SOS2: variants seen among roughly 807,000 people sequenced by gnomAD.
The protein encoded by SOS2 is SOS Ras/Rho guanine nucleotide exchange factor 2.
Under a neutral mutation model 148.2 loss-of-function variants are expected in SOS2, and 65 were observed. The ratio of observed to expected loss-of-function variants is 0.44; its 90% CI spans 0.36 to 0.54. The LOEUF (loss-of-function observed/expected upper bound fraction) is 0.54. Among genes scored for constraint, SOS2 ranks in the 20% least tolerant of loss-of-function variants. The pLI is 0.00. For synonymous variants in SOS2, 539 were observed against 537.1 expected, an observed-to-expected ratio of 1.00 and a Z score of -0.05; for missense variants, 1,341 against 1,590.2, an observed-to-expected ratio of 0.84 and a Z score of 2.67.
chr14:50,223,360 C>T (rs1190221076), intron 1 of SOS2, among the ~76,000 whole-genome samples: 1 of 151,780 alleles, frequency 6.6e-6, no homozygotes, highest in Non-Finnish European at 1.5e-5. Flanking sequence ...CACAGTAAGA[C>T]CCTGTCTCTA....
chr14:50,183,621 G>C (rs1039239336), intron 5 of SOS2, among the ~76,000 whole-genome samples: 3 of 152,166 alleles, frequency 2.0e-5, no homozygotes, highest in African/African-American at 7.2e-5. Context: ...TCTGGCATTT[G>C]AGTGTTTTAA....
Position 50,174,495 on chromosome 14 carries a change from C to T in SOS2, c.1027G>A (p.Val343Met), listed in dbSNP as rs1027626067. The stretch of plus-strand genomic sequence containing the variant: ...TAGTGCCAACAGTGATACACTGGCA[C>T]CAGCATAAGACGTGGAAGGACATAA... ...VRYVLPRLMLVPVYHCWHYFE... is the reference protein window; with the variant it reads ...VRYVLPRLMLMPVYHCWHYFE... The change falls in exon 8 of 23, where the codon GTG becomes ATG. Residue 343 changes from valine (V) to methionine (M), a missense_variant. This residue lies in a region of SOS2 where 574 missense variants were observed against 711.1 expected (regional missense o/e 0.81). Transcript: ENST00000216373. 6.2e-7 allele frequency: 1 copy of T among 1,610,226 alleles called. No homozygotes were observed. Among genetic ancestry groups the T allele is most frequent in the Admixed American group, 1.7e-5 (1 of 59,880 alleles).
intron 1 of SOS2, among the ~76,000 whole-genome samples, chr14:50,205,847 G>A (rs1376830462): frequency 2.7e-5 from 4 of 150,594 alleles, no homozygotes; most frequent in African/African-American, 9.8e-5. Context: ...TTGAACCTGG[G>A]AGGCAGAGGT....
chr14:50,167,785 G>T lies in SOS2; in HGVS notation c.1069-6176C>A, dbSNP rs184859694. Among the ~76,000 whole-genome samples, 9 of 142,992 alleles carry T rather than the reference G, an allele frequency of 6.3e-5. No homozygotes were observed. In the East Asian group the frequency reaches 1.9e-3, roughly 30 times the overall value. 93.8% of individuals were successfully genotyped at this position (142,992 alleles called of 152,430 possible). On this transcript the variant is annotated intron_variant, in intron 8 of 22. Transcript: ENST00000216373. Reference sequence around the variant, plus strand: ...CTTGGGAGGCTGATGTGGGAGAATTGCTTGAACCCAGGAGGTGGGGGTTGT... The same window carrying T: ...CTTGGGAGGCTGATGTGGGAGAATTTCTTGAACCCAGGAGGTGGGGGTTGT...
In SOS2 at chr14:50,117,350, C is replaced by T. The variant is rs1459247872; in HGVS notation, c.*994G>A. 2 of 152,104 alleles carry T rather than the reference C, an allele frequency of 1.3e-5. No homozygotes were observed. The highest frequency in any genetic ancestry group is 2.9e-5 in the Non-Finnish European group (2 of 68,024). The allele number at this position is 152,104 out of a possible 1,614,324, so 9.4% of individuals were successfully genotyped here. ...TATCTGATTAAAATGTTTAATAAAG[C>T]TTTAAGTATTTGCTGGTTTAAATAT... On this transcript the variant is annotated 3_prime_UTR_variant, in exon 23 of 23. Transcript: ENST00000216373.
At position 50,143,851 on chromosome 14, in the gene SOS2, G is replaced by T. The variant is rs1485553669; in HGVS notation, c.2667+1319C>A. On this transcript the variant is annotated intron_variant, in intron 16 of 22. Transcript: ENST00000216373. ...TTTTTTTTTTTTTTGTAGAGATGTG[G>T]TCTCCCTATGTTGCCCAGGCTGGTC... Among the ~76,000 whole-genome samples, 10 of 147,766 alleles carry T rather than the reference G, an allele frequency of 6.8e-5. No homozygotes were observed. In the East Asian group the frequency reaches 2.0e-3, roughly 29 times the overall value.
chr14:50,217,254 A>C (rs1457548074), intron 1 of SOS2, among the ~76,000 whole-genome samples: 1 of 152,258 alleles, frequency 6.6e-6, no homozygotes, highest in Non-Finnish European at 1.5e-5. Context: ...CCAGATATCC[A>C]TATACAAAAA....
At chr14:50,124,197 C>T (rs1464091411) in intron 21 of SOS2, among the ~76,000 whole-genome samples, 3 of 152,114 alleles carry the variant, frequency 2.0e-5, no homozygotes, top group African/African-American at 7.2e-5. Context: ...ATCATGTAAA[C>T]GATACAAGAC....
At chr14:50,140,436 G>C (rs1415669119) in intron 16 of SOS2, among the ~76,000 whole-genome samples, 2 of 152,142 alleles carry the variant, frequency 1.3e-5, no homozygotes, top group African/African-American at 4.8e-5. Context: ...TTTTGTTAAG[G>C]AGAAGACAAC....
At chr14:50,134,936 G>A (rs1884023203) in intron 18 of SOS2, among the ~76,000 whole-genome samples, 1 of 151,754 alleles carries the variant, frequency 6.6e-6, no homozygotes, top group South Asian at 2.1e-4. Flanking sequence ...AGCTGGGCGT[G>A]GTGGCGCATG....
chr14:50,193,992 G>A (rs1453260284), intron 4 of SOS2, among the ~76,000 whole-genome samples: 4 of 152,122 alleles, frequency 2.6e-5, no homozygotes, highest in Admixed American at 6.6e-5. Context: ...CAATCTGCCC[G>A]TCTTGGCCTC....
chr14:50,145,657 TC>T (rs1277697072), intron 14 of SOS2, 61 bp from the exon 15 acceptor site: 2 of 1,116,688 alleles, frequency 1.8e-6, no homozygotes, highest in African/African-American at 3.2e-5. Flanking sequence ...TTAAAGATCT[TC>T]TAAAACTTAA....
intron 22 of SOS2, 56 bp from the exon 23 acceptor site, chr14:50,118,909 A>G: frequency 8.7e-7 from 1 of 1,149,870 alleles, no homozygotes; most frequent in African/African-American, 1.6e-5. Context: ...AAAAAAAAAA[A>G]TTTTTAAGTC....
At chr14:50,128,113 A>AT (rs1883740874) in intron 21 of SOS2, among the ~76,000 whole-genome samples, 1 of 152,206 alleles carries the variant, frequency 6.6e-6, no homozygotes, top group African/African-American at 2.4e-5. Flanking sequence ...ATCAGGGAGC[A>AT]TATCAAGAAA....
intron 1 of SOS2, chr14:50,215,271 C>T: frequency 1.8e-6 from 1 of 564,710 alleles, no homozygotes. Context: ...AAATAAGCTA[C>T]AAAGCAATTT....
intron 1 of SOS2, chr14:50,230,981 A>G (rs1887522354): frequency 1.1e-6 from 1 of 886,658 alleles, no homozygotes; most frequent in Non-Finnish European, 1.5e-6. Flanking sequence ...CAGTTTTATG[A>G]TCATAACAAA....
At chr14:50,160,802 C>A (rs1186498202) in intron 9 of SOS2, among the ~76,000 whole-genome samples, 3 of 152,104 alleles carry the variant, frequency 2.0e-5, no homozygotes, top group Non-Finnish European at 1.5e-5. Context: ...GAGTTCAAGA[C>A]CAGCCTGGGC....
chr14:50,225,730 T>G (rs926652273), intron 1 of SOS2, among the ~76,000 whole-genome samples: 1 of 152,158 alleles, frequency 6.6e-6, no homozygotes. Flanking sequence ...TCACAGGATC[T>G]CTTATTAGTT....
chr14:50,129,678 C>G (rs1883804067), intron 21 of SOS2, among the ~76,000 whole-genome samples: 1 of 152,312 alleles, frequency 6.6e-6, no homozygotes, highest in East Asian at 1.9e-4. Context: ...AGCCACCACA[C>G]CCGGCTAGGT....
Sources: allele counts gnomAD v4.1 joint callset (sites outside exome capture counted in the v4.1 genomes callset), GRCh38; gene constraint gnomAD v4.1.1; regional missense constraint gnomAD v4.1.1; transcripts MANE v1.5; gene names NCBI Gene and HGNC (gene_info 2026-07-23, HGNC 2026-07-21).